The following SPTLC3 variants were observed in gnomAD, a reference collection of about 807,000 sequenced individuals.
SPTLC3 encodes serine palmitoyltransferase long chain base subunit 3, also known as serine palmitoyltransferase 3.
Under a neutral mutation model 59.3 loss-of-function variants are expected in SPTLC3, and 36 were observed. The observed-to-expected ratio is 0.61, with a 90% CI of 0.47 to 0.80. The LOEUF (loss-of-function observed/expected upper bound fraction) is 0.80. SPTLC3 is among the 30% of genes least tolerant of loss of function. The pLI is 0.00. For missense variants in SPTLC3, 625 were observed against 685.1 expected (o/e 0.91, Z 0.98); for synonymous variants, 257 against 240.8 (o/e 1.07, Z -0.62).
intron 1 of SPTLC3, among the ~76,000 whole-genome samples, chr20:13,048,243 A>G (rs1987317367): frequency 6.6e-6 from 1 of 152,178 alleles, no homozygotes; most frequent in South Asian, 2.1e-4. Flanking sequence ...CAGTTGCTCA[A>G]AATTTGTCTT....
chr20:13,132,461 G>A (rs1358868215), intron 9 of SPTLC3, among the ~76,000 whole-genome samples: 1 of 152,086 alleles, frequency 6.6e-6, no homozygotes, highest in African/African-American at 2.4e-5. Context: ...ACAGGCGTGA[G>A]GACCGCACCC....
At chr20:13,065,105 G>A (rs1177493505) in intron 2 of SPTLC3, among the ~76,000 whole-genome samples, 1 of 151,896 alleles carries the variant, frequency 6.6e-6, no homozygotes, top group African/African-American at 2.4e-5. Flanking sequence ...TTTTTCATGG[G>A]TGACATGAAA....
intron 2 of SPTLC3, among the ~76,000 whole-genome samples, chr20:13,067,802 C>T (rs920988741): frequency 6.6e-6 from 1 of 152,158 alleles, no homozygotes; most frequent in Non-Finnish European, 1.5e-5. Context: ...GCCTTAGAAA[C>T]AGCTGGCTCT....
intron 10 of SPTLC3, among the ~76,000 whole-genome samples, chr20:13,158,548 C>T (rs943691160): frequency 6.6e-6 from 1 of 152,192 alleles, no homozygotes; most frequent in Non-Finnish European, 1.5e-5. Flanking sequence ...AAGCACTTGA[C>T]TTGTTTCTCA....
At chr20:13,065,657 T>C (rs1014399491) in intron 2 of SPTLC3, among the ~76,000 whole-genome samples, 5 of 151,790 alleles carry the variant, frequency 3.3e-5, no homozygotes, top group Non-Finnish European at 5.9e-5. Flanking sequence ...TCCTGCCATA[T>C]TTTTTACATT....
intron 1 of SPTLC3, among the ~76,000 whole-genome samples, chr20:13,040,006 G>T (rs1353335153): frequency 6.6e-6 from 1 of 151,390 alleles, no homozygotes; most frequent in African/African-American, 2.4e-5. Flanking sequence ...TTAAGAAGCT[G>T]GAAAGGAAAG....
At chr20:13,018,784 T>A (rs941106779) in intron 1 of SPTLC3, among the ~76,000 whole-genome samples, 1 of 152,232 alleles carries the variant, frequency 6.6e-6, no homozygotes, top group Admixed American at 6.5e-5. Context: ...ATATATTTAA[T>A]GTTTTTAGTA....
rs1443412312 is a variant in SPTLC3, at chr20:13,072,382, G to T, written c.430G>T (p.Val144Leu). 6.2e-7 allele frequency: 1 copy of T among 1,608,766 alleles called. No homozygotes were observed. Among genetic ancestry groups the T allele is most frequent in the Non-Finnish European group, 8.5e-7 (1 of 1,178,196 alleles). ...GCCTCTGTTTGATTTGATGGAGAGG[G>T]TATCAGACGACTATAACTGGACGTT... is the stretch of plus-strand genomic sequence containing the variant. ...PGPLFDLMER[V>L]SDDYNWTFRF... Residue 144 changes from valine (V) to leucine (L), a missense_variant, in exon 3 of 12, where the codon GTA (valine) becomes TTA (leucine). Val to Leu is a conservative substitution (Grantham distance 32). Coordinates refer to ENST00000399002, the MANE Select transcript of SPTLC3 (RefSeq NM_018327.4).
intron 8 of SPTLC3, 73 bp downstream of exon 8, chr20:13,117,798 A>G (rs1223582553): frequency 4.1e-5 from 56 of 1,378,648 alleles, no homozygotes; most frequent in Non-Finnish European, 3.4e-5. Context: ...GCTTCTCTGA[A>G]TTTCATGAAA....
intron 1 of SPTLC3, among the ~76,000 whole-genome samples, chr20:13,043,294 C>T (rs1481860770): frequency 6.6e-6 from 1 of 152,198 alleles, no homozygotes; most frequent in Non-Finnish European, 1.5e-5. Flanking sequence ...CCCCAACCTT[C>T]CTGCCCTTGT....
intron 1 of SPTLC3, among the ~76,000 whole-genome samples, chr20:13,026,246 T>C (rs912287610): frequency 6.6e-6 from 1 of 152,236 alleles, no homozygotes; most frequent in Admixed American, 6.5e-5. Context: ...AGGTACCTGG[T>C]AATGGGATTG....
intron 1 of SPTLC3, among the ~76,000 whole-genome samples, chr20:13,048,717 A>G (rs918929569): frequency 2.0e-5 from 3 of 152,080 alleles, no homozygotes; most frequent in Non-Finnish European, 4.4e-5. Context: ...TCTTCACCCA[A>G]TGGTTTGAGT....
chr20:13,124,576 AG>A (rs1169445744), intron 8 of SPTLC3, among the ~76,000 whole-genome samples: 2 of 152,012 alleles, frequency 1.3e-5, no homozygotes, highest in Non-Finnish European at 2.9e-5. Flanking sequence ...GACGGGTGAA[AG>A]GGGGGGATTC....
chr20:13,106,190 T>C (rs1989887060), intron 6 of SPTLC3, among the ~76,000 whole-genome samples: 1 of 152,232 alleles, frequency 6.6e-6, no homozygotes, highest in African/African-American at 2.4e-5. Context: ...AATTCTTATT[T>C]CTATCCACAA....
At chr20:13,130,127 A>C (rs1442689548) in intron 9 of SPTLC3, among the ~76,000 whole-genome samples, 1 of 152,236 alleles carries the variant, frequency 6.6e-6, no homozygotes, top group Non-Finnish European at 1.5e-5. Flanking sequence ...GAAGCAGTGA[A>C]AGTCATACAG....
intron 9 of SPTLC3, among the ~76,000 whole-genome samples, chr20:13,149,554 C>T (rs559521657): frequency 7.2e-5 from 11 of 152,262 alleles, no homozygotes; most frequent in African/African-American, 1.9e-4. Flanking sequence ...TCTTGGCAAA[C>T]GCAAAAGACC....
At chr20:13,146,708 T>C (rs2038517923) in intron 9 of SPTLC3, among the ~76,000 whole-genome samples, 1 of 152,118 alleles carries the variant, frequency 6.6e-6, no homozygotes, top group Admixed American at 6.5e-5. Context: ...TTCCAAACAG[T>C]GTCAGAAATT....
At chr20:13,122,126 T>C (rs796162747) in intron 8 of SPTLC3, among the ~76,000 whole-genome samples, 2 of 152,334 alleles carry the variant, frequency 1.3e-5, no homozygotes, top group African/African-American at 4.8e-5. Context: ...TTCCTCCATC[T>C]CTAAAACCCG....
At chr20:13,058,874 C>G (rs6514359) in intron 2 of SPTLC3, among the ~76,000 whole-genome samples, 53,356 of 152,010 alleles carry the variant, frequency 0.35, 10,218 homozygotes, top group African/African-American at 0.52. Context: ...AATAAGTTGA[C>G]AGACATGGAG....
Sources: allele counts gnomAD v4.1 joint callset (sites outside exome capture counted in the v4.1 genomes callset), GRCh38; gene constraint gnomAD v4.1.1; transcripts MANE v1.5; gene names NCBI Gene and HGNC (gene_info 2026-07-23, HGNC 2026-07-21).